The following PAX7 variants were observed in gnomAD, a reference collection of about 807,000 sequenced individuals.
The protein encoded by PAX7 is paired box protein Pax-7.
PAX7 carries 18 observed loss-of-function variants against 50.7 expected under a neutral mutation model. The observed-to-expected ratio is 0.36, with a 90% CI of 0.25 to 0.53. The LOEUF (loss-of-function observed/expected upper bound fraction) is 0.53, where lower values mean the gene tolerates loss of function less well. PAX7 is among the 20% of genes least tolerant of loss of function. The pLI is 0.93. For missense variants in PAX7, 644 were observed against 702.9 expected (o/e 0.92, Z 0.95); for synonymous variants, 310 against 290.4 (o/e 1.07, Z -0.69).
intron 5 of PAX7, among the ~76,000 whole-genome samples, chr1:18,699,104 C>T (rs1192360093): frequency 6.6e-6 from 1 of 152,186 alleles, no homozygotes; most frequent in Non-Finnish European, 1.5e-5. Context: ...TTCATTCATT[C>T]GTCATTCACT....
At position 18,735,752 on chromosome 1, in the gene PAX7, C is replaced by A. The variant is rs769536224; in HGVS notation, c.1276C>A (p.Arg426=). The change falls in exon 8 of 9, where the codon CGG becomes AGG. Residue 426 remains arginine (R), a synonymous_variant. Transcript: ENST00000420770. The surrounding 1 kb of genome is among the most constrained non-coding windows in gnomAD (Gnocchi z 4.0). ...ATSISASCSQ[R]ADSIKPGDSL... ...CTCCATCTCAGCCAGCTGCAGCCAG[C>A]GGGCCGACTCCATCAAGCCAGGAGA... is the stretch of plus-strand genomic sequence containing the variant. 2 of 1,614,030 alleles carry A rather than the reference C, an allele frequency of 1.2e-6. No homozygotes were observed. The highest frequency in any genetic ancestry group is 1.7e-6 in the Non-Finnish European group (2 of 1,179,976).
chr1:18,631,538 G>A lies in PAX7; in HGVS notation c.-66G>A. On this transcript the variant is annotated 5_prime_UTR_variant, in exon 1 of 9. Transcript: ENST00000420770. ...AGACGGAAAGAAAGAGATCGCAGCA[G>A]GGGTGAAGGGAGCGGACGGGAAGCG... 2.3e-6 allele frequency: 3 copies of A among 1,280,278 alleles called. No homozygotes were observed. The highest frequency in any genetic ancestry group is 2.2e-6 in the Non-Finnish European group (2 of 889,638). 79.3% of individuals were successfully genotyped at this position (1,280,278 alleles called of 1,614,324 possible).
intron 8 of PAX7, among the ~76,000 whole-genome samples, chr1:18,737,343 A>C (rs1295253135): frequency 2.0e-3 from 225 of 114,060 alleles, no homozygotes; most frequent in African/African-American, 3.4e-3. Flanking sequence ...CCCCAAACCC[A>C]CTCCTCTTCA....
At chr1:18,698,570 T>C (rs1424310132) in intron 5 of PAX7, among the ~76,000 whole-genome samples, 1 of 152,230 alleles carries the variant, frequency 6.6e-6, no homozygotes, top group Admixed American at 6.5e-5. Context: ...GGAGGCCCAC[T>C]GTTTGGGAAA....
At chr1:18,685,413 G>T (rs999352688) in intron 4 of PAX7, among the ~76,000 whole-genome samples, 1 of 152,194 alleles carries the variant, frequency 6.6e-6, no homozygotes, top group Non-Finnish European at 1.5e-5. Flanking sequence ...AGTCCCTGCC[G>T]CACTCAAGGA....
intron 7 of PAX7, among the ~76,000 whole-genome samples, chr1:18,729,490 A>T (rs533514980): frequency 1.7e-4 from 26 of 152,346 alleles, no homozygotes; most frequent in African/African-American, 6.3e-4. Context: ...GTGCATGTGT[A>T]AGTGTATTGG....
chr1:18,683,769 G>A (rs544523028), intron 4 of PAX7, among the ~76,000 whole-genome samples: 10 of 152,324 alleles, frequency 6.6e-5, no homozygotes, highest in African/African-American at 1.9e-4. Flanking sequence ...GAGCCTGGGA[G>A]GCGGATGTTG....
chr1:18,731,441 C>T (rs1428552644), intron 7 of PAX7, among the ~76,000 whole-genome samples: 1 of 152,204 alleles, frequency 6.6e-6, no homozygotes, highest in African/African-American at 2.4e-5. Context: ...AGCTCTGCCA[C>T]TTACCGGCTG....
At chr1:18,687,323 C>T (rs565560828) in intron 4 of PAX7, among the ~76,000 whole-genome samples, 2 of 152,262 alleles carry the variant, frequency 1.3e-5, no homozygotes, top group South Asian at 4.2e-4. Flanking sequence ...CAAGACCACA[C>T]AGCTAGGGAA....
intron 4 of PAX7, among the ~76,000 whole-genome samples, chr1:18,683,863 A>G (rs747622272): frequency 1.3e-5 from 2 of 151,968 alleles, no homozygotes; most frequent in African/African-American, 2.4e-5. Context: ...AATAATACCC[A>G]TCCTTGTGGA....
In PAX7 at chr1:18,694,996, G is replaced by T. The variant is rs144000991; in HGVS notation, c.786+3043G>T. Among the ~76,000 whole-genome samples, 993 of 152,230 alleles carry T rather than the reference G, an allele frequency of 6.5e-3. 7 individuals carry two copies. Among genetic ancestry groups the T allele is most frequent in the African/African-American group, 0.022 (931 of 41,528 alleles). ...TCTTGGTCTTTGATTCTAAAGGTCT[G>T]TGGTTCTGGGATTTTCCAATCGTAT... is the stretch of plus-strand genomic sequence containing the variant. On this transcript the variant is annotated intron_variant, in intron 5 of 8. Coordinates refer to ENST00000420770, the MANE Select transcript of PAX7 (RefSeq NM_001135254.2).
chr1:18,700,963 G>C lies in PAX7; in HGVS notation c.952+145G>C. 1 of 845,428 alleles carries C rather than the reference G, an allele frequency of 1.2e-6. No individual in the cohort carries two copies. Among genetic ancestry groups the C allele is most frequent in the South Asian group, 2.8e-5 (1 of 35,950 alleles). The allele number at this position is 845,428 out of a possible 1,614,324, so 52.4% of individuals were successfully genotyped here. A position where few individuals can be genotyped will look rare whatever the true frequency, so the allele number is the denominator to read the frequency against. ...ATTGAGAGCAAAAAGATGCAATCCT[G>C]CCCTTGAAATTCTTGGCCCTGACAC... On this transcript the variant is annotated intron_variant, in intron 6 of 8. Coordinates refer to ENST00000420770, the MANE Select transcript of PAX7 (RefSeq NM_001135254.2). The surrounding 1 kb of genome is among the most constrained non-coding windows in gnomAD (Gnocchi z 4.8).
At chr1:18,635,495 A>AAGGACGGAAGGAAGGT (rs2088137069) in intron 3 of PAX7, among the ~76,000 whole-genome samples, 2 of 115,018 alleles carry the variant, frequency 1.7e-5, no homozygotes, top group Non-Finnish European at 2.1e-5. Flanking sequence ...AGGGAGGAAG[A>AAGGACGGAAGGAAGGT]AGGAAGGAAG....
At chr1:18,677,761 T>C (rs1570158914) in intron 4 of PAX7, among the ~76,000 whole-genome samples, 1 of 152,194 alleles carries the variant, frequency 6.6e-6, no homozygotes, top group African/African-American at 2.4e-5. Context: ...TTTATTTAAC[T>C]GATGGCTGCA....
chr1:18,694,737 G>A (rs1243498498), intron 5 of PAX7, among the ~76,000 whole-genome samples: 6 of 152,018 alleles, frequency 3.9e-5, no homozygotes, highest in Admixed American at 2.0e-4. Context: ...CTGAGACTTC[G>A]TTTCCTGTCT....
At position 18,747,515 on chromosome 1, in the gene PAX7, C is replaced by T. The variant is rs1187743156; in HGVS notation, c.*2586C>T. 8.4e-5 allele frequency: 18 copies of T among 214,472 alleles called. No individual in the cohort carries two copies. The highest frequency in any genetic ancestry group is 2.9e-4 in the African/African-American group (13 of 44,268). The allele number at this position is 214,472 out of a possible 1,614,324, so 13.3% of individuals were successfully genotyped here. On this transcript the variant is annotated 3_prime_UTR_variant, in exon 9 of 9. Coordinates refer to ENST00000420770, the MANE Select transcript of PAX7 (RefSeq NM_001135254.2). ...AAAATTCAGCCTTGTGTTGGCAACTCGAAACATCACCAGAGAGGTGATGTT... is the reference window on the plus strand; with the variant it reads ...AAAATTCAGCCTTGTGTTGGCAACTTGAAACATCACCAGAGAGGTGATGTT...
At chr1:18,648,993 G>T (rs2088390978) in intron 4 of PAX7, among the ~76,000 whole-genome samples, 1 of 152,206 alleles carries the variant, frequency 6.6e-6, no homozygotes, top group Admixed American at 6.5e-5. Flanking sequence ...CGCCACTGAT[G>T]CCCAAGGGTA....
At chr1:18,720,183 T>C (rs1325602404) in intron 7 of PAX7, among the ~76,000 whole-genome samples, 3 of 152,214 alleles carry the variant, frequency 2.0e-5, no homozygotes, top group African/African-American at 7.2e-5. Context: ...TGCGGATGTT[T>C]GAGAAGCACT....
chr1:18,689,959 A>T (rs1048010331), intron 4 of PAX7, among the ~76,000 whole-genome samples: 3 of 152,138 alleles, frequency 2.0e-5, no homozygotes, highest in Non-Finnish European at 4.4e-5. Flanking sequence ...GGAGGAAGGG[A>T]TCTTTGTATT....
Sources: allele counts gnomAD v4.1 joint callset (sites outside exome capture counted in the v4.1 genomes callset), GRCh38; gene constraint gnomAD v4.1.1; non-coding constraint Gnocchi (gnomAD v3.1); transcripts MANE v1.5; gene names NCBI Gene and HGNC (gene_info 2026-07-23, HGNC 2026-07-21).